Variants in ANXA6 observed in about 807,000 individuals in gnomAD.
ANXA6 encodes annexin A6.
ANXA6 carries 71 observed loss-of-function variants against 95.4 expected under a neutral mutation model. That is an observed-to-expected ratio of 0.74 (90% confidence interval 0.61 to 0.91). The LOEUF is 0.91. ANXA6 is among the 40% of genes least tolerant of loss of function. ANXA6 has a pLI of 0.00. For synonymous variants in ANXA6, 289 were observed against 315.9 expected, an observed-to-expected ratio of 0.91 and a Z score of 0.90; for missense variants, 830 against 876.4, an observed-to-expected ratio of 0.95 and a Z score of 0.67.
intron 19 of ANXA6, among the ~76,000 whole-genome samples, 163 bp downstream of exon 19, chr5:151,117,592 GAAC>G (rs1403100480): frequency 1.3e-5 from 2 of 152,186 alleles, no homozygotes; most frequent in East Asian, 3.8e-4. Context: ...TTTGACAAGG[GAAC>G]AACAGGGGTA....
At chr5:151,123,891 G>A (rs1243475999) in intron 15 of ANXA6, among the ~76,000 whole-genome samples, 1 of 152,134 alleles carries the variant, frequency 6.6e-6, no homozygotes, top group African/African-American at 2.4e-5. Flanking sequence ...GGGCTCTTGG[G>A]TTCCAGGGTC....
chr5:151,140,412 C>G, intron 2 of ANXA6, 169 bp from the exon 3 acceptor site: 1 of 632,888 alleles, frequency 1.6e-6, no homozygotes, highest in South Asian at 1.8e-5. Context: ...CTTTCCCATA[C>G]CACCTGCTGC....
chr5:151,105,252 G>A lies in ANXA6; in HGVS notation c.1832C>T (p.Ser611Phe). ...PLFFADKLYKSMKGAGTDEKT... is the reference protein window; with the variant it reads ...PLFFADKLYKFMKGAGTDEKT... Reference sequence around the variant, plus strand: ...GCCAGCATGTTTTCTTACCTTCATGGATTTGTAAAGTTTGTCGGCAAAGAA... The same window carrying A: ...GCCAGCATGTTTTCTTACCTTCATGAATTTGTAAAGTTTGTCGGCAAAGAA... The change falls in exon 24 of 26, where the codon TCC becomes TTC. Residue 611 changes from serine (S) to phenylalanine (F), a missense_variant. Transcript: ENST00000354546. 4 of 1,613,888 alleles carry A rather than the reference G, an allele frequency of 2.5e-6. No individual in the cohort carries two copies. Among genetic ancestry groups the A allele is most frequent in the Non-Finnish European group, 3.4e-6 (4 of 1,179,770 alleles).
intron 13 of ANXA6, among the ~76,000 whole-genome samples, chr5:151,127,284 C>T (rs1043997661): frequency 3.9e-5 from 6 of 152,244 alleles, no homozygotes; most frequent in Non-Finnish European, 7.3e-5. Flanking sequence ...GAAATTCTTG[C>T]ATCCCTTCTG....
intron 17 of ANXA6, among the ~76,000 whole-genome samples, chr5:151,121,149 CA>C (rs777816287): frequency 5.9e-5 from 9 of 152,198 alleles, no homozygotes; most frequent in Non-Finnish European, 8.8e-5. Flanking sequence ...TCTTAATGCG[CA>C]AGGGGCCAAA....
intron 12 of ANXA6, 95 bp from the exon 13 acceptor site, chr5:151,128,334 G>C: frequency 9.3e-7 from 1 of 1,075,926 alleles, no homozygotes; most frequent in Non-Finnish European, 1.4e-6. Flanking sequence ...AGAGGGGAAG[G>C]CTGAATGAAC....
Position 151,139,438 on chromosome 5 carries a change from T to C in ANXA6, c.119A>G (p.Lys40Arg). 1 of 1,613,062 alleles carries C rather than the reference T, an allele frequency of 6.2e-7. No homozygotes were observed. Among genetic ancestry groups the C allele is most frequent in the Non-Finnish European group, 8.5e-7 (1 of 1,179,170 alleles). The change falls in exon 4 of 26, where the codon AAG becomes AGG. Residue 40 changes from lysine to arginine, a missense_variant. Physicochemically the swap from Lys to Arg is conservative, Grantham distance 26. Coordinates refer to ENST00000354546, the MANE Select transcript of ANXA6 (RefSeq NM_001155.5). The stretch of plus-strand genomic sequence containing the variant: ...GGTGATTATGTCCAGTATGGCCTCC[T>C]TGTCACTGCCTGGAATAGGGGAGAG... The part of the protein sequence containing the change: ...YTAMKGFGSD[K>R]EAILDIITSR...
chr5:151,133,048 T>G (rs376833089), intron 9 of ANXA6, 46 bp downstream of exon 9: 11 of 1,347,298 alleles, frequency 8.2e-6, no homozygotes, highest in African/African-American at 1.5e-5. Flanking sequence ...AAGGCATTAT[T>G]GGCATCAACC....
At chr5:151,108,268 C>T (rs554176039) in intron 23 of ANXA6, among the ~76,000 whole-genome samples, 187 bp downstream of exon 23, 9 of 152,164 alleles carry the variant, frequency 5.9e-5, no homozygotes, top group Non-Finnish European at 1.2e-4. Context: ...CTCACCCTCT[C>T]CTGCAGCCTC....
intron 25 of ANXA6, among the ~76,000 whole-genome samples, chr5:151,102,176 C>T (rs113346985): frequency 6.6e-6 from 1 of 152,284 alleles, no homozygotes; most frequent in African/African-American, 2.4e-5. Flanking sequence ...GGACTCCTAT[C>T]ATTGTTATGA....
At chr5:151,101,682 C>A (rs1013207804) in intron 25 of ANXA6, among the ~76,000 whole-genome samples, 175 bp from the exon 26 acceptor site, 3 of 152,196 alleles carry the variant, frequency 2.0e-5, no homozygotes, top group Non-Finnish European at 4.4e-5. Flanking sequence ...GTGACCACGT[C>A]CCTTTTGTTT....
rs970284148 is a variant in ANXA6, at chr5:151,157,698, G to C, written c.-44C>G. 6.5e-6 allele frequency: 1 copy of C among 152,788 alleles called. No homozygotes were observed. Among genetic ancestry groups the C allele is most frequent in the Admixed American group, 6.5e-5 (1 of 15,294 alleles). 9.5% of individuals were successfully genotyped at this position (152,788 alleles called of 1,614,324 possible). A position where few individuals can be genotyped will look rare whatever the true frequency, so the allele number is the denominator to read the frequency against. On this transcript the variant is annotated 5_prime_UTR_variant, in exon 1 of 26. Transcript: ENST00000354546. ...CACTCACCGCGCAGCGGAGGCCTCG[G>C]GTCGCAGACGGACGCACGGGCGCAG...
At position 151,133,166 on chromosome 5, in the gene ANXA6, G is replaced by T. The variant is rs746510101; in HGVS notation, c.568C>A (p.Leu190Met). ...TGGGCTTCATCTGTTCCCCATTTCA[G>T]TTCCCCTGCCTCGTATAGGTCCTGA... ...DVQDLYEAGE[L>M]KWGTDEAQFI... Residue 190 changes from leucine (L) to methionine (M), a missense_variant, in exon 9 of 26, where the codon CTG (leucine) becomes ATG (methionine). Physicochemically the swap from Leu to Met is conservative, Grantham distance 15. Coordinates refer to ENST00000354546, the MANE Select transcript of ANXA6 (RefSeq NM_001155.5). 1.3e-6 allele frequency: 2 copies of T among 1,593,120 alleles called. No homozygotes were observed.
intron 23 of ANXA6, among the ~76,000 whole-genome samples, chr5:151,107,873 G>C (rs1764740172): frequency 6.6e-6 from 1 of 152,046 alleles, no homozygotes; most frequent in Non-Finnish European, 1.5e-5. Flanking sequence ...TCTGCATCTA[G>C]CGTGTATGTG....
chr5:151,105,144 C>T, intron 24 of ANXA6, 101 bp downstream of exon 24: 1 of 1,137,710 alleles, frequency 8.8e-7, no homozygotes, highest in Non-Finnish European at 1.3e-6. Context: ...GAAGAAACAG[C>T]TGCCAGGAAT....
At chr5:151,107,824 C>G (rs940614342) in intron 23 of ANXA6, among the ~76,000 whole-genome samples, 1 of 152,110 alleles carries the variant, frequency 6.6e-6, no homozygotes, top group Admixed American at 6.5e-5. Flanking sequence ...AACCAAAAAG[C>G]CAGGTACTGA....
At chr5:151,156,464 C>G (rs1411298518) in intron 1 of ANXA6, among the ~76,000 whole-genome samples, 1 of 152,158 alleles carries the variant, frequency 6.6e-6, no homozygotes, top group African/African-American at 2.4e-5. Context: ...GGCGGTCATT[C>G]ACTTCACCAT....
At position 151,105,496 on chromosome 5, in the gene ANXA6, C is replaced by A. The variant is rs571764473; in HGVS notation, c.1781-193G>T. Among the ~76,000 whole-genome samples the A allele has an allele frequency of 5.9e-5, 9 of 152,244 alleles. No homozygotes were observed. In the East Asian group the frequency reaches 1.2e-3, roughly 20 times the overall value. On this transcript the variant is annotated intron_variant, in intron 23 of 25. Coordinates refer to ENST00000354546, the MANE Select transcript of ANXA6 (RefSeq NM_001155.5). ...CTTCCTCCTCTGGCCCATCCTTAGG[C>A]CTGGCTCTCAATTGGTTGCAACTCT...
intron 8 of ANXA6, among the ~76,000 whole-genome samples, chr5:151,133,836 TC>T (rs1436095218): frequency 3.9e-5 from 6 of 152,136 alleles, no homozygotes; most frequent in African/African-American, 1.4e-4. Flanking sequence ...TTCCCTCCTT[TC>T]CTCCCTCTCC....
Sources: gnomAD v4.1 joint callset for allele counts (sites outside exome capture counted in the v4.1 genomes callset) on GRCh38, gnomAD v4.1.1 for gene constraint, MANE v1.5 for transcripts, NCBI Gene and HGNC (gene_info 2026-07-23, HGNC 2026-07-21) for gene names.